Variants in TTC3 observed in about 807,000 individuals in gnomAD.
TTC3 encodes the protein tetratricopeptide repeat domain 3.
A neutral mutation model predicts 249.6 loss-of-function variants in TTC3; 180 were observed. The ratio of observed to expected loss-of-function variants is 0.72; its 90% CI spans 0.64 to 0.82. The LOEUF (loss-of-function observed/expected upper bound fraction) is 0.82, where lower values mean the gene tolerates loss of function less well. Ranked by LOEUF, TTC3 falls within the 40% of genes least tolerant of loss-of-function variation. The pLI, the probability that TTC3 is intolerant of heterozygous loss-of-function variation, is 0.00. For synonymous variants in TTC3, 717 were observed against 805.0 expected, an observed-to-expected ratio of 0.89 and a Z score of 1.85; for missense variants, 2,061 against 2,398.4, an observed-to-expected ratio of 0.86 and a Z score of 2.94.
intron 1 of TTC3, among the ~76,000 whole-genome samples, chr21:37,080,146 CTG>C (rs2071435479): frequency 6.6e-6 from 1 of 152,082 alleles, no homozygotes; most frequent in South Asian, 2.1e-4. Flanking sequence ...GCATGCAAGA[CTG>C]TAAACTTCCT....
At chr21:37,181,765 A>G (rs544807462) in intron 35 of TTC3, among the ~76,000 whole-genome samples, 9 of 152,144 alleles carry the variant, frequency 5.9e-5, no homozygotes, top group Non-Finnish European at 1.0e-4. Flanking sequence ...GTGGTCTCTT[A>G]AGTTGATAGA....
At chr21:37,158,322 G>A in intron 28 of TTC3, 5 of 535,662 alleles carry the variant, frequency 9.3e-6, no homozygotes, top group Non-Finnish European at 1.2e-5. Flanking sequence ...TTTAACTTGT[G>A]TTCTCTACAT....
rs576262319 is a variant in TTC3 at position 37,180,743 on chromosome 21, T to G, written c.4618-2031T>G. 1.8e-3 allele frequency among the ~76,000 whole-genome samples: 221 copies of G among 122,528 alleles called. 3 individuals are homozygous for G. The highest frequency in any genetic ancestry group is 6.7e-3 in the African/African-American group (202 of 30,138). The allele number at this position is 122,528 out of a possible 152,430, so 80.4% of individuals were successfully genotyped here. A position where few individuals can be genotyped will look rare whatever the true frequency, so the allele number is the denominator to read the frequency against. ...ACCTGCACAATGTGCACATGTACCC[T>G]AAAACTTAAAGTATAATAAAAAAAA... On this transcript the variant is annotated intron_variant, in intron 35 of 45. Coordinates refer to ENST00000355666, the Ensembl canonical transcript of TTC3.
At chr21:37,086,304 T>A (rs527294062) in intron 1 of TTC3, 5 of 152,296 alleles carry the variant, frequency 3.3e-5, no homozygotes, top group Admixed American at 3.3e-4. Flanking sequence ...GTGTTTATGA[T>A]GCGCTGGTGA....
At position 37,195,319 on chromosome 21, in the gene TTC3, G is replaced by A. The variant is rs373431591; in HGVS notation, c.5218-356G>A. ...GGAGACAGCTCTGGGGAGTGTGGTG[G>A]CCATGATGTTCCATCTGTCAGCTAC... On this transcript the variant is annotated intron_variant, in intron 41 of 45. Transcript: ENST00000355666. Among the ~76,000 whole-genome samples, 11 of 152,282 alleles carry A rather than the reference G, an allele frequency of 7.2e-5. No individual in the cohort carries two copies. The East Asian group carries it at 1.9e-3, about 27-fold the overall frequency.
intron 16 of TTC3, among the ~76,000 whole-genome samples, 159 bp from the exon 17 acceptor site, chr21:37,132,523 G>A (rs1383826614): frequency 6.6e-6 from 1 of 151,986 alleles, no homozygotes; most frequent in Non-Finnish European, 1.5e-5. Context: ...ATGTTGGTCA[G>A]GCTGGTCTCG....
intron 38 of TTC3, 117 bp downstream of exon 38, chr21:37,187,262 T>G (rs1296313004): frequency 1.1e-5 from 8 of 707,898 alleles, no homozygotes; most frequent in Non-Finnish European, 1.8e-5. Flanking sequence ...AAGGATATCC[T>G]GTAACCCATA....
At chr21:37,145,865 G>A (rs1221956292) in intron 21 of TTC3, among the ~76,000 whole-genome samples, 1 of 152,146 alleles carries the variant, frequency 6.6e-6, no homozygotes, top group East Asian at 1.9e-4. Flanking sequence ...ACCCCAGGGA[G>A]GGAATTAATC....
chr21:37,181,825 T>G (rs571605953), intron 35 of TTC3, among the ~76,000 whole-genome samples: 2 of 152,314 alleles, frequency 1.3e-5, no homozygotes, highest in East Asian at 3.9e-4. Flanking sequence ...GTAGGTTGAC[T>G]TTAGTGTCCT....
At chr21:37,090,545 A>G (rs2073132360) in intron 6 of TTC3, 2 of 934,120 alleles carry the variant, frequency 2.1e-6, no homozygotes, top group Non-Finnish European at 2.5e-6. Context: ...CTTTTAGATT[A>G]TTTACCTGGC....
chr21:37,110,306 T>A (rs918377419), intron 11 of TTC3, among the ~76,000 whole-genome samples: 13 of 151,992 alleles, frequency 8.6e-5, no homozygotes, highest in African/African-American at 3.1e-4. Flanking sequence ...GTTAGAAACT[T>A]TGAAAAAAAA....
intron 35 of TTC3, among the ~76,000 whole-genome samples, chr21:37,175,810 G>T (rs575120329): frequency 6.6e-6 from 1 of 150,424 alleles, no homozygotes; most frequent in Non-Finnish European, 1.5e-5. Context: ...TTGCTCTGTC[G>T]CCCAGGCTGG....
chr21:37,136,180 C>T lies in TTC3; in HGVS notation c.1578+666C>T, dbSNP rs1223353765. Among the ~76,000 whole-genome samples the T allele has an allele frequency of 3.9e-5, 6 of 151,990 alleles. No homozygotes were observed. In the South Asian group the frequency reaches 1.0e-3, roughly 26 times the overall value. On this transcript the variant is annotated intron_variant, in intron 18 of 45. Transcript: ENST00000355666. ...TTAAGTCTCCCTGTTCCCTGAGACACGATATTGAAATTAGGCCAATTAATG... is the reference window on the plus strand; with the variant it reads ...TTAAGTCTCCCTGTTCCCTGAGACATGATATTGAAATTAGGCCAATTAATG...
chr21:37,114,686 A>G (rs1173328385), intron 11 of TTC3, among the ~76,000 whole-genome samples: 2 of 152,172 alleles, frequency 1.3e-5, no homozygotes, highest in Non-Finnish European at 2.9e-5. Flanking sequence ...TACTGGGTAT[A>G]TACCCAAAGG....
chr21:37,194,822 T>G (rs2084675101), intron 41 of TTC3: 1 of 152,024 alleles, frequency 6.6e-6, no homozygotes, highest in Non-Finnish European at 1.5e-5. Flanking sequence ...GCCACTAATG[T>G]GGGGGAATGT....
intron 1 of TTC3, among the ~76,000 whole-genome samples, chr21:37,085,040 C>T (rs963982524): frequency 2.0e-5 from 3 of 151,862 alleles, no homozygotes; most frequent in African/African-American, 7.3e-5. Context: ...TAAAATATAC[C>T]CCAGTGTCGT....
intron 1 of TTC3, among the ~76,000 whole-genome samples, chr21:37,077,504 T>G (rs2146859367): frequency 6.6e-6 from 1 of 152,350 alleles, no homozygotes; most frequent in East Asian, 1.9e-4. Context: ...GAAGGGGTTG[T>G]ATCAGTTTGT....
At chr21:37,161,995 G>A in exon 31 of TTC3, 1 of 1,582,682 alleles carries the variant, frequency 6.3e-7, no homozygotes. Context: ...ACCAGCCTAT[G>A]TTAGTTGGGT....
chr21:37,122,864 T>C (rs2076733598), intron 12 of TTC3, 119 bp from the exon 13 acceptor site: 1 of 988,142 alleles, frequency 1.0e-6, no homozygotes, highest in Non-Finnish European at 1.4e-6. Flanking sequence ...TAGATTTACT[T>C]TTCAGTTTTC....
Sources: gnomAD v4.1 joint callset for allele counts (sites outside exome capture counted in the v4.1 genomes callset) on GRCh38, gnomAD v4.1.1 for gene constraint, MANE v1.5 for transcripts, NCBI Gene and HGNC (gene_info 2026-07-23, HGNC 2026-07-21) for gene names.